Variants in ANKH observed in about 807,000 individuals in gnomAD.
ANKH encodes ANKH inorganic pyrophosphate transport regulator, also known as mineralization regulator ANKH.
A neutral mutation model predicts 49.0 loss-of-function variants in ANKH; 15 were observed. That is an observed-to-expected ratio of 0.31 (90% CI 0.20 to 0.47). The LOEUF is 0.47. Ranked by LOEUF, ANKH falls within the 20% of genes least tolerant of loss-of-function variation. The pLI is 1.00. For synonymous variants in ANKH, 273 were observed against 260.0 expected (o/e 1.05, Z -0.48); for missense variants, 429 against 652.0 (o/e 0.66, Z 3.72).
rs1320170150 is a variant in ANKH, at chr5:14,745,590, T to A, written c.915+280A>T. On this transcript the variant is annotated intron_variant, in intron 7 of 11. Coordinates refer to ENST00000284268, the MANE Select transcript of ANKH (RefSeq NM_054027.6). This position sits in a 1 kb window ranked among gnomAD's most constrained non-coding sequence, Gnocchi z 4.7. Reference sequence around the variant, plus strand: ...AATTGATTTTGGGGGAAGTTTATTTTCCCTTTCGCAAACAAATCATTTCTC... The same window carrying A: ...AATTGATTTTGGGGGAAGTTTATTTACCCTTTCGCAAACAAATCATTTCTC... Among the ~76,000 whole-genome samples the A allele has an allele frequency of 2.0e-5, 3 of 152,212 alleles. No homozygotes were observed. Among genetic ancestry groups the A allele is most frequent in the African/African-American group, 7.2e-5 (3 of 41,446 alleles).
chr5:14,804,468 C>G (rs564951968), intron 1 of ANKH, among the ~76,000 whole-genome samples: 3 of 152,276 alleles, frequency 2.0e-5, no homozygotes, highest in Non-Finnish European at 2.9e-5. Context: ...TAGTGTTGAA[C>G]GGCAGAATGA....
At chr5:14,760,096 G>A (rs1028856468) in intron 2 of ANKH, among the ~76,000 whole-genome samples, 2 of 152,258 alleles carry the variant, frequency 1.3e-5, no homozygotes, top group Middle Eastern at 3.4e-3. Context: ...GTCCTTCCAG[G>A]CAGGGTAGAG....
intron 1 of ANKH, among the ~76,000 whole-genome samples, chr5:14,846,940 G>T (rs1020417430): frequency 6.7e-6 from 1 of 149,952 alleles, no homozygotes; most frequent in Non-Finnish European, 1.5e-5. Flanking sequence ...CTCAGGAGAC[G>T]GATGTTGCAG....
chr5:14,720,556 G>C (rs577140299), intron 8 of ANKH, among the ~76,000 whole-genome samples: 12 of 152,256 alleles, frequency 7.9e-5, no homozygotes, highest in African/African-American at 2.9e-4. Context: ...TTCCAGCTTT[G>C]CTTTATATTG....
At chr5:14,808,595 C>T (rs1740777052) in intron 1 of ANKH, among the ~76,000 whole-genome samples, 1 of 152,144 alleles carries the variant, frequency 6.6e-6, no homozygotes, top group Non-Finnish European at 1.5e-5. Flanking sequence ...TGAAACCCTG[C>T]CACGCCATCA....
At chr5:14,730,053 G>A (rs370105541) in intron 8 of ANKH, among the ~76,000 whole-genome samples, 3 of 152,180 alleles carry the variant, frequency 2.0e-5, no homozygotes, top group Non-Finnish European at 2.9e-5. Flanking sequence ...GAAGCAGCCC[G>A]CTGTGCTGTG....
In ANKH at chr5:14,721,908, C is replaced by G. The variant is rs924003258; in HGVS notation, c.1012-5073G>C. Among the ~76,000 whole-genome samples the G allele has an allele frequency of 2.6e-5, 3 of 113,752 alleles. 1 individual carries two copies. The highest frequency in any genetic ancestry group is 5.9e-4 in the South Asian group (2 of 3,396). 74.6% of individuals were successfully genotyped at this position (113,752 alleles called of 152,430 possible). ...TCATGCCACTGCACTCCAGCCTGGG[C>G]GACAGAGCGAGACTCCGTCTCAAAA... On this transcript the variant is annotated intron_variant, in intron 8 of 11. Coordinates refer to ENST00000284268, the MANE Select transcript of ANKH (RefSeq NM_054027.6).
chr5:14,846,819 G>A (rs1407580223), intron 1 of ANKH, among the ~76,000 whole-genome samples: 1 of 151,668 alleles, frequency 6.6e-6, no homozygotes, highest in Non-Finnish European at 1.5e-5. Context: ...TGGTAAAACT[G>A]CGTCTCTACT....
At chr5:14,828,845 T>C (rs1035161299) in intron 1 of ANKH, among the ~76,000 whole-genome samples, 6 of 152,188 alleles carry the variant, frequency 3.9e-5, no homozygotes, top group African/African-American at 1.4e-4. Flanking sequence ...TACATATCTT[T>C]AAGGTCTGAA....
chr5:14,737,412 C>T lies in ANKH; in HGVS notation c.1011+4415G>A, dbSNP rs1320157335. On this transcript the variant is annotated intron_variant, in intron 8 of 11. Transcript: ENST00000284268. This position sits in a 1 kb window ranked among gnomAD's most constrained non-coding sequence, Gnocchi z 5.0. ...GTAAGAGGAAGGACTGTGGTGCCTG[C>T]TCCTCTCTTGTGAGCTCACTGCTGC... Among the ~76,000 whole-genome samples the T allele has an allele frequency of 6.6e-6, 1 of 152,216 alleles. No homozygotes were observed. The highest frequency in any genetic ancestry group is 1.5e-5 in the Non-Finnish European group (1 of 68,040).
intron 2 of ANKH, among the ~76,000 whole-genome samples, chr5:14,762,250 C>T (rs1739111161): frequency 6.6e-6 from 1 of 152,186 alleles, no homozygotes; most frequent in African/African-American, 2.4e-5. Context: ...AAAAACAGTG[C>T]CTTCATGCAG....
intron 1 of ANKH, among the ~76,000 whole-genome samples, chr5:14,774,208 T>C (rs974604877): frequency 1.3e-5 from 2 of 152,218 alleles, no homozygotes; most frequent in African/African-American, 4.8e-5. Context: ...TCAATCATTT[T>C]ATGGAGTTTG....
intron 1 of ANKH, among the ~76,000 whole-genome samples, chr5:14,865,902 T>C (rs1423976661): frequency 1.3e-5 from 2 of 152,208 alleles, no homozygotes; most frequent in Admixed American, 6.5e-5. Context: ...ACACTCCTAT[T>C]ACACATCTTA....
At chr5:14,789,712 A>ATT (rs1200219217) in intron 1 of ANKH, among the ~76,000 whole-genome samples, 1 of 152,034 alleles carries the variant, frequency 6.6e-6, no homozygotes, top group Non-Finnish European at 1.5e-5. Context: ...AGCAGTACAC[A>ATT]TTCTCTCTCT....
At chr5:14,755,433 C>T (rs1228320688) in intron 4 of ANKH, among the ~76,000 whole-genome samples, 1 of 152,098 alleles carries the variant, frequency 6.6e-6, no homozygotes, top group East Asian at 1.9e-4. Context: ...ATTATAAGAA[C>T]ATTGAAGAAT....
chr5:14,864,219 A>G (rs1343008359), intron 1 of ANKH, among the ~76,000 whole-genome samples: 3 of 152,230 alleles, frequency 2.0e-5, no homozygotes, highest in Non-Finnish European at 4.4e-5. Context: ...CTCAAAACAA[A>G]ACAAAATAAA....
intron 1 of ANKH, among the ~76,000 whole-genome samples, chr5:14,855,020 G>A (rs1742215906): frequency 1.3e-5 from 2 of 152,056 alleles, no homozygotes; most frequent in East Asian, 3.8e-4. Context: ...TGAATGACTG[G>A]GCCCTTCCCA....
chr5:14,768,946 G>C (rs1459265003), intron 2 of ANKH, 29 bp downstream of exon 2: 1 of 1,606,870 alleles, frequency 6.2e-7, no homozygotes, highest in Non-Finnish European at 8.5e-7. Flanking sequence ...GCCAAAGCTA[G>C]ATTCGTCAGT....
intron 9 of ANKH, among the ~76,000 whole-genome samples, chr5:14,714,747 T>C (rs76967013): frequency 6.6e-6 from 1 of 152,086 alleles, no homozygotes; most frequent in East Asian, 1.9e-4. Context: ...ATCCAACAGA[T>C]TGCAAAGAGT....
Sources: allele counts gnomAD v4.1 joint callset (sites outside exome capture counted in the v4.1 genomes callset), GRCh38; gene constraint gnomAD v4.1.1; non-coding constraint Gnocchi (gnomAD v3.1); transcripts MANE v1.5; gene names NCBI Gene and HGNC (gene_info 2026-07-23, HGNC 2026-07-21).